The following DENND2D variants were observed in gnomAD, a reference collection of about 807,000 sequenced individuals.
DENND2D encodes DENN domain-containing protein 2D.
Under a neutral mutation model 59.8 loss-of-function variants are expected in DENND2D, and 37 were observed. The ratio of observed to expected loss-of-function variants is 0.62; its 90% confidence interval spans 0.48 to 0.81. DENND2D has a LOEUF of 0.81. Among genes scored for constraint, DENND2D ranks in the 40% least tolerant of loss-of-function variants. DENND2D has a pLI of 0.00. For missense variants in DENND2D, 525 were observed against 579.7 expected, an observed-to-expected ratio of 0.91 and a Z score of 0.97; for synonymous variants, 219 against 211.3, an observed-to-expected ratio of 1.04 and a Z score of -0.31.
At chr1:111,189,651 C>G (rs78043838) in intron 8 of DENND2D, among the ~76,000 whole-genome samples, 1 of 152,308 alleles carries the variant, frequency 6.6e-6, no homozygotes, top group Non-Finnish European at 1.5e-5. Flanking sequence ...GAGGCAGATA[C>G]AATCTCCATT....
chr1:111,204,201 C>G, upstream of DENND2D: 1 of 1,299,988 alleles, frequency 7.7e-7, no homozygotes, highest in Non-Finnish European at 9.9e-7. Flanking sequence ...TCTCGACGCC[C>G]CGTGCCGCCC....
chr1:111,201,772 C>T (rs1658827251), upstream of DENND2D, among the ~76,000 whole-genome samples: 1 of 152,164 alleles, frequency 6.6e-6, no homozygotes, highest in Admixed American at 6.5e-5. Flanking sequence ...CTGCTTTGCT[C>T]CTAAGAGCTC....
chr1:111,197,347 A>T, intron 4 of DENND2D, 94 bp from the exon 5 acceptor site: 2 of 1,530,720 alleles, frequency 1.3e-6, no homozygotes, highest in Non-Finnish European at 8.8e-7. Flanking sequence ...AGGGCTGGGG[A>T]GGGGGATTTA....
intron 5 of DENND2D, chr1:111,196,830 C>T (rs538986074): frequency 1.8e-5 from 5 of 272,222 alleles, no homozygotes; most frequent in East Asian, 7.2e-5. Context: ...TTAAGCCTCA[C>T]GCCACCCAGT....
intron 8 of DENND2D, among the ~76,000 whole-genome samples, chr1:111,191,934 G>A (rs1657812723): frequency 6.6e-6 from 1 of 152,194 alleles, no homozygotes; most frequent in South Asian, 2.1e-4. Context: ...TGTGTGTCGG[G>A]TGCCAGGTTA....
Position 111,199,921 on chromosome 1 carries a change from A to C in DENND2D, c.68-123T>G, listed in dbSNP as rs1412720047. 2.4e-6 allele frequency: 3 copies of C among 1,237,278 alleles called. No homozygotes were observed. In the African/African-American group the frequency reaches 4.6e-5, roughly 19 times the overall value. The allele number at this position is 1,237,278 out of a possible 1,614,324, so 76.6% of individuals were successfully genotyped here. On this transcript the variant is annotated intron_variant, in intron 1 of 11. Coordinates refer to ENST00000357640, the MANE Select transcript of DENND2D (RefSeq NM_024901.5). Reference sequence around the variant, plus strand: ...CTTGCCAATGCTGAGATACCTGGATACTGGCCAGAACCACCAGTCACTCAG... The same window carrying C: ...CTTGCCAATGCTGAGATACCTGGATCCTGGCCAGAACCACCAGTCACTCAG...
At chr1:111,198,514 A>T (rs1178107095) in intron 3 of DENND2D, 116 bp downstream of exon 3, 2 of 998,596 alleles carry the variant, frequency 2.0e-6, no homozygotes, top group Admixed American at 2.1e-5. Context: ...AATCAATTAC[A>T]CTCCCAGGCC....
At position 111,194,940 on chromosome 1, in the gene DENND2D, G is replaced by A. The variant is rs374354411; in HGVS notation, c.646-214C>T. Among the ~76,000 whole-genome samples, 8 of 151,944 alleles carry A rather than the reference G, an allele frequency of 5.3e-5. No individual in the cohort carries two copies. In the South Asian group the frequency reaches 8.3e-4, roughly 16 times the overall value. On this transcript the variant is annotated intron_variant, in intron 6 of 11. Coordinates refer to ENST00000357640, the MANE Select transcript of DENND2D (RefSeq NM_024901.5). ...TGCACCCTCCCTCACTCGCCTCCCC[G>A]AGCACACGCCCCTCTCTCACTGTGC...
chr1:111,189,176 G>C, intron 9 of DENND2D, 36 bp downstream of exon 9: 1 of 1,611,944 alleles, frequency 6.2e-7, no homozygotes, highest in Non-Finnish European at 8.5e-7. Context: ...TAGAGTTGTT[G>C]ATAGGCCTGC....
intron 5 of DENND2D, 159 bp from the exon 6 acceptor site, chr1:111,196,215 C>G: frequency 1.3e-6 from 1 of 785,614 alleles, no homozygotes; most frequent in South Asian, 2.1e-5. Context: ...CTCTCCCTCC[C>G]TGGCAGAGGC....
rs1657287005 is a variant in DENND2D, at chr1:111,186,981, T to C, written c.*624A>G. Among the ~76,000 whole-genome samples, 1 of 152,182 alleles carries C rather than the reference T, an allele frequency of 6.6e-6. No homozygotes were observed. ...GACTTAGATGCCCTGTGTCCAGTGCTGCTGCTGCTTTTACCAGTATCTCTT... is the reference window on the plus strand; with the variant it reads ...GACTTAGATGCCCTGTGTCCAGTGCCGCTGCTGCTTTTACCAGTATCTCTT... On this transcript the variant is annotated 3_prime_UTR_variant, in exon 12 of 12. Coordinates refer to ENST00000357640, the MANE Select transcript of DENND2D (RefSeq NM_024901.5).
chr1:111,192,346 A>C (rs1657857338), intron 7 of DENND2D, 29 bp from the exon 8 acceptor site: 1 of 1,537,284 alleles, frequency 6.5e-7, no homozygotes, highest in South Asian at 1.2e-5. Context: ...GATGAGAGTC[A>C]GGGGGCCCCT....
At position 111,186,684 on chromosome 1, in the gene DENND2D, G is replaced by A. The variant is rs1571165894; in HGVS notation, c.*921C>T. 6.6e-6 allele frequency among the ~76,000 whole-genome samples: 1 copy of A among 152,184 alleles called. No homozygotes were observed. Among genetic ancestry groups the A allele is most frequent in the Non-Finnish European group, 1.5e-5 (1 of 68,036 alleles). The stretch of plus-strand genomic sequence containing the variant: ...CTCAAAGGGGAAGAACGTCAGTGCA[G>A]CGATCCCTTCACCTTTAGTTAAAGA... On this transcript the variant is annotated 3_prime_UTR_variant, in exon 12 of 12. Transcript: ENST00000357640.
chr1:111,204,346 C>A, upstream of DENND2D: 1 of 1,479,418 alleles, frequency 6.8e-7, no homozygotes, highest in Non-Finnish European at 8.9e-7. Flanking sequence ...GCGGCCGAGC[C>A]CATCCATGGC....
At chr1:111,204,468 G>A (rs1040584005), upstream of DENND2D, 8 of 1,115,538 alleles carry the variant, frequency 7.2e-6, no homozygotes, top group Non-Finnish European at 9.3e-6. Context: ...CTAGGGGACA[G>A]GTTCGGGGCG....
At chr1:111,201,650 C>G (rs1658811358), upstream of DENND2D, among the ~76,000 whole-genome samples, 2 of 152,198 alleles carry the variant, frequency 1.3e-5, no homozygotes, top group Non-Finnish European at 2.9e-5. Context: ...TACCAGGAAG[C>G]TGCCTCAAAG....
rs766910531 is a variant in DENND2D at position 111,199,644 on chromosome 1, T to G, written c.222A>C (p.Ile74=). The change falls in exon 2 of 12, where the codon ATA becomes ATC. Residue 74 remains isoleucine, a synonymous_variant. Transcript: ENST00000357640. ...KKRSEDDYEP[I]ITYQFPKREN... is the part of the protein sequence containing the mutation. ...TTACCTTGGGAAATTGGTAGGTGAT[T>G]ATAGGCTCGTAATCATCCTCTGAAC... 1.9e-6 allele frequency: 3 copies of G among 1,613,784 alleles called. No homozygotes were observed. In the African/African-American group the frequency reaches 4.0e-5, roughly 22 times the overall value.
At chr1:111,204,293 A>G, upstream of DENND2D, 1 of 1,479,320 alleles carries the variant, frequency 6.8e-7, no homozygotes. Context: ...GGCCGGCACT[A>G]ACCCCCATGG....
At chr1:111,196,656 A>G (rs1378559948) in intron 5 of DENND2D, 1 of 161,676 alleles carries the variant, frequency 6.2e-6, no homozygotes, top group Non-Finnish European at 1.4e-5. Flanking sequence ...GATTCTGCTC[A>G]AATTCTGTCT....
Sources: allele counts gnomAD v4.1 joint callset (sites outside exome capture counted in the v4.1 genomes callset), GRCh38; gene constraint gnomAD v4.1.1; transcripts MANE v1.5; gene names NCBI Gene and HGNC (gene_info 2026-07-23, HGNC 2026-07-21).